Variants in NDUFV3 observed in about 807,000 individuals in gnomAD.
NDUFV3 encodes NADH:ubiquinone oxidoreductase subunit V3, also known as NADH dehydrogenase [ubiquinone] flavoprotein 3, mitochondrial.
NDUFV3 carries 44 observed loss-of-function variants against 37.5 expected under a neutral mutation model. The observed-to-expected ratio is 1.17, with a 90% CI of 0.92 to 1.51. NDUFV3 has a LOEUF of 1.51. Among genes scored for constraint, NDUFV3 ranks in the 40% most tolerant of loss-of-function variants. NDUFV3 has a pLI of 0.00. For synonymous variants in NDUFV3, 235 were observed against 239.3 expected (o/e 0.98, Z 0.17); for missense variants, 580 against 580.4 (o/e 1.00, Z 0.01).
chr21:42,897,624 C>T lies in NDUFV3; in HGVS notation c.169+577C>T, dbSNP rs552744739. The stretch of plus-strand genomic sequence containing the variant: ...TCCTGACCTTGTTATCCACCCGCCT[C>T]GGCCTCCCAAAGTGTTGGGATTACA... On this transcript the variant is annotated intron_variant, in intron 2 of 3. Coordinates refer to ENST00000354250, the MANE Select transcript of NDUFV3 (RefSeq NM_021075.4). Among the ~76,000 whole-genome samples, 24 of 151,948 alleles carry T rather than the reference C, an allele frequency of 1.6e-4. No individual in the cohort carries two copies. The East Asian group carries it at 4.5e-3, about 28-fold the overall frequency.
chr21:42,909,136 CTTTTT>C lies in NDUFV3; in HGVS notation c.*134_*138del, dbSNP rs36011300. 5.0e-3 allele frequency: 2,124 copies of C among 428,964 alleles called. No individual in the cohort carries two copies. Among genetic ancestry groups the C allele is most frequent in the Middle Eastern group, 6.6e-3 (8 of 1,214 alleles). 26.6% of individuals were successfully genotyped at this position (428,964 alleles called of 1,614,324 possible). On this transcript the variant is annotated 3_prime_UTR_variant, in exon 4 of 4. Coordinates refer to ENST00000354250, the MANE Select transcript of NDUFV3 (RefSeq NM_021075.4). The stretch of plus-strand genomic sequence containing the variant: ...TGTGCATAATCGGTTTCACTTTTAC[CTTTTT>C]TTTTTTTTTTTTTTTTTTGAGACAG...
intron 2 of NDUFV3, among the ~76,000 whole-genome samples, chr21:42,902,310 G>C (rs1234330859): frequency 6.6e-6 from 1 of 152,124 alleles, no homozygotes; most frequent in Non-Finnish European, 1.5e-5. Context: ...TATAAAATTT[G>C]AGTAACTTTA....
chr21:42,904,052 C>T lies in NDUFV3; in HGVS notation c.1040C>T (p.Pro347Leu). The T allele has an allele frequency of 1.2e-6, 2 of 1,614,186 alleles. No homozygotes were observed. The highest frequency in any genetic ancestry group is 1.3e-5 in the African/African-American group (1 of 75,052). ...CCAGAGCCCCAGCGCAAGGCGGCCC[C>T]TCCCCTGCCCAGAAAGGAAACCTCA... ...PVPEPQRKAA[P>L]PLPRKETSGT... The change falls in exon 3 of 4, where the codon CCT (proline) becomes CTT (leucine). Residue 347 changes from proline (P) to leucine (L), a missense_variant. Pro to Leu is a moderately conservative substitution (Grantham distance 98, BLOSUM62 -3). Coordinates refer to ENST00000354250, the MANE Select transcript of NDUFV3 (RefSeq NM_021075.4).
At chr21:42,904,706 G>A (rs189718327) in intron 3 of NDUFV3, among the ~76,000 whole-genome samples, 8 of 150,982 alleles carry the variant, frequency 5.3e-5, no homozygotes, top group Admixed American at 1.3e-4. Flanking sequence ...GGCTGGCCTC[G>A]AACTCCTGAC....
chr21:42,902,364 C>T (rs1016259503), intron 2 of NDUFV3, among the ~76,000 whole-genome samples: 6 of 152,110 alleles, frequency 3.9e-5, no homozygotes, highest in African/African-American at 1.4e-4. Flanking sequence ...TCTGAATGTG[C>T]CTTGTTTCCA....
At chr21:42,894,496 AT>A (rs1568854337) in intron 1 of NDUFV3, among the ~76,000 whole-genome samples, 49 of 79,444 alleles carry the variant, frequency 6.2e-4, no homozygotes, top group African/African-American at 2.6e-3. Context: ...TATTTATATA[AT>A]ATATAATATA....
At chr21:42,895,566 C>T (rs575716033) in intron 1 of NDUFV3, among the ~76,000 whole-genome samples, 8 of 151,162 alleles carry the variant, frequency 5.3e-5, no homozygotes, top group African/African-American at 1.9e-4. Context: ...GCAAGAGAAT[C>T]GCTGGAACCC....
At chr21:42,904,306 C>T (rs758134689) in intron 3 of NDUFV3, 30 bp downstream of exon 3, 7 of 1,565,326 alleles carry the variant, frequency 4.5e-6, no homozygotes, top group Middle Eastern at 3.8e-4. Flanking sequence ...CCCAAGTGCA[C>T]CCTGTCCCTT....
chr21:42,909,162 G>C lies in NDUFV3; in HGVS notation c.*141G>C. On this transcript the variant is annotated 3_prime_UTR_variant, in exon 4 of 4. Coordinates refer to ENST00000354250, the MANE Select transcript of NDUFV3 (RefSeq NM_021075.4). ...TTTTTTTTTTTTTTTTTTTTTTTGA[G>C]ACAGGGTCTCACTCTGTCACCCAGG... The C allele has an allele frequency of 2.7e-6, 2 of 747,876 alleles. No homozygotes were observed. The highest frequency in any genetic ancestry group is 4.1e-6 in the Non-Finnish European group (2 of 492,400). The allele number at this position is 747,876 out of a possible 1,614,324, so 46.3% of individuals were successfully genotyped here. A position where few individuals can be genotyped will look rare whatever the true frequency, so the allele number is the denominator to read the frequency against.
intron 2 of NDUFV3, among the ~76,000 whole-genome samples, chr21:42,900,376 G>T (rs1465821419): frequency 1.3e-5 from 2 of 151,734 alleles, no homozygotes; most frequent in South Asian, 4.2e-4. Flanking sequence ...GGTGGCGGAC[G>T]CCTGTAATCC....
rs1438283659 is a variant in NDUFV3, at chr21:42,893,374, C to T, written c.41C>T (p.Ala14Val). Residue 14 changes from alanine to valine, a missense_variant, in exon 1 of 4, where the codon GCG (alanine) becomes GTG (valine). By Grantham distance (64) the Ala-to-Val change is moderately conservative (BLOSUM62 0). Transcript: ENST00000354250. ...TTGCTGCGGCAAGGACGAGCCGGGG[C>T]GCTGAAGGTAAAGGAGGAGCCAGCC... is the stretch of plus-strand genomic sequence containing the variant. ...PCLLRQGRAG[A>V]LKTMLQEAQV... The T allele has an allele frequency of 1.3e-6, 2 of 1,537,750 alleles. No homozygotes were observed. The highest frequency in any genetic ancestry group is 1.7e-6 in the Non-Finnish European group (2 of 1,146,400).
intron 2 of NDUFV3, among the ~76,000 whole-genome samples, chr21:42,900,226 G>T (rs2058712916): frequency 1.3e-5 from 2 of 152,114 alleles, no homozygotes; most frequent in Admixed American, 1.3e-4. Flanking sequence ...CTGAGTCTGG[G>T]TATGGTGGCT....
intron 3 of NDUFV3, among the ~76,000 whole-genome samples, chr21:42,908,656 G>A (rs889804016): frequency 2.7e-5 from 4 of 149,940 alleles, no homozygotes; most frequent in Admixed American, 6.6e-5. Context: ...TGTGAGCCGA[G>A]TCATTCATAA....
rs2058677581 is a variant in NDUFV3 at position 42,894,427 on chromosome 21, A to AATATATATTATAT, written c.48+1047_48+1048insTATATATTATATA. ...TTATATAATATATAATATATTATATAAATATATATTATATAATATATATAA... is the reference window on the plus strand; with the variant it reads ...TTATATAATATATAATATATTATATAATATATATTATATAATATATATTATATAATATATATAA... On this transcript the variant is annotated intron_variant, in intron 1 of 3. Transcript: ENST00000354250. 9.0e-5 allele frequency among the ~76,000 whole-genome samples: 3 copies of AATATATATTATAT among 33,486 alleles called. No individual in the cohort carries two copies. The African/African-American group carries it at 1.1e-3, about 13-fold the overall frequency. 22.0% of individuals were successfully genotyped at this position (33,486 alleles called of 152,430 possible). A position where few individuals can be genotyped will look rare whatever the true frequency, so the allele number is the denominator to read the frequency against.
At position 42,910,746 on chromosome 21, in the gene NDUFV3, C is replaced by A; in HGVS notation, c.*1725C>A. The A allele has an allele frequency of 6.5e-6, 1 of 154,234 alleles. No individual in the cohort carries two copies. Among genetic ancestry groups the A allele is most frequent in the East Asian group, 1.9e-4 (1 of 5,206 alleles). The allele number at this position is 154,234 out of a possible 1,614,324, so 9.6% of individuals were successfully genotyped here. A position where few individuals can be genotyped will look rare whatever the true frequency, so the allele number is the denominator to read the frequency against. ...TGTGCGGTGCAGGGACGAAGTTGCT[C>A]CCCGCTGGCCACAGGCACTCAATGA... On this transcript the variant is annotated 3_prime_UTR_variant, in exon 4 of 4. Coordinates refer to ENST00000354250, the MANE Select transcript of NDUFV3 (RefSeq NM_021075.4).
At chr21:42,901,178 C>T (rs2058716471) in intron 2 of NDUFV3, among the ~76,000 whole-genome samples, 1 of 152,104 alleles carries the variant, frequency 6.6e-6, no homozygotes, top group African/African-American at 2.4e-5. Context: ...TGGCTCACTT[C>T]TGTAATCCCA....
chr21:42,897,521 G>GCC (rs2058697970), intron 2 of NDUFV3, among the ~76,000 whole-genome samples: 6 of 152,090 alleles, frequency 3.9e-5, no homozygotes, highest in Admixed American at 3.9e-4. Flanking sequence ...CTACAGGCAT[G>GCC]TGCCACCACG....
intron 1 of NDUFV3, 83 bp downstream of exon 1, chr21:42,893,464 G>T: frequency 4.8e-6 from 7 of 1,451,072 alleles, no homozygotes; most frequent in East Asian, 5.0e-5. Flanking sequence ...TGCTGGTCAG[G>T]TCCGGGCCTG....
In NDUFV3 at chr21:42,900,731, T is replaced by TC. The variant is rs556671536; in HGVS notation, c.170-2450dup. ...CATGCAAGTGAGGTACCCAAAGCTCTCATCCTTGGAGTCACATCTCTAGTC... is the reference window on the plus strand; with the variant it reads ...CATGCAAGTGAGGTACCCAAAGCTCTCCATCCTTGGAGTCACATCTCTAGTC... On this transcript the variant is annotated intron_variant, in intron 2 of 3. Transcript: ENST00000354250. 5.9e-5 allele frequency among the ~76,000 whole-genome samples: 9 copies of TC among 152,312 alleles called. No individual in the cohort carries two copies. The South Asian group carries it at 1.4e-3, about 25-fold the overall frequency.
Sources: gnomAD v4.1 joint callset for allele counts (sites outside exome capture counted in the v4.1 genomes callset) on GRCh38, gnomAD v4.1.1 for gene constraint, MANE v1.5 for transcripts, NCBI Gene and HGNC (gene_info 2026-07-23, HGNC 2026-07-21) for gene names.